Variants in DCAKD observed in about 807,000 individuals in gnomAD.
DCAKD encodes the protein dephospho-CoA kinase domain containing.
DCAKD carries 15 observed loss-of-function variants against 18.7 expected under a neutral mutation model. The observed-to-expected ratio is 0.80, with a 90% confidence interval of 0.54 to 1.24. The LOEUF is 1.24. Among genes scored for constraint, DCAKD ranks in the 50% most tolerant of loss-of-function variants. The pLI is 0.00. For synonymous variants in DCAKD, 130 were observed against 133.0 expected, an observed-to-expected ratio of 0.98 and a Z score of 0.16; for missense variants, 301 against 322.0, an observed-to-expected ratio of 0.93 and a Z score of 0.50.
At chr17:45,034,688 GAC>G in intron 2 of DCAKD, 84 bp downstream of exon 2, 2 of 1,412,298 alleles carry the variant, frequency 1.4e-6, no homozygotes, top group Non-Finnish European at 1.9e-6. Flanking sequence ...CCTCCTCTGA[GAC>G]TTATAAAAAA....
chr17:45,029,992 G>T, intron 4 of DCAKD, 100 bp downstream of exon 4: 4 of 1,086,370 alleles, frequency 3.7e-6, no homozygotes, highest in Non-Finnish European at 5.7e-6. Context: ...CATGCCTCTT[G>T]GCCGCCCCGT....
intron 1 of DCAKD, among the ~76,000 whole-genome samples, chr17:45,037,084 C>A (rs1245192134): frequency 1.3e-5 from 2 of 152,130 alleles, no homozygotes; most frequent in African/African-American, 4.8e-5. Flanking sequence ...CATTCTCACC[C>A]CGGAAAGCCA....
At chr17:45,057,713 A>C (rs937249684) in intron 1 of DCAKD, among the ~76,000 whole-genome samples, 4 of 150,538 alleles carry the variant, frequency 2.7e-5, no homozygotes, top group African/African-American at 9.8e-5. Context: ...AAAAAAAAAA[A>C]AAAAACAGTA....
chr17:45,047,375 T>C (rs2053592855), intron 1 of DCAKD, among the ~76,000 whole-genome samples: 2 of 152,054 alleles, frequency 1.3e-5, no homozygotes, highest in South Asian at 4.1e-4. Flanking sequence ...TCAACCCTCC[T>C]AGGCTCAGGT....
At chr17:45,056,895 G>A (rs989034266) in intron 1 of DCAKD, among the ~76,000 whole-genome samples, 1 of 152,070 alleles carries the variant, frequency 6.6e-6, no homozygotes, top group Non-Finnish European at 1.5e-5. Context: ...AGCCTACCAA[G>A]TAGCTGGGAC....
At chr17:45,032,092 C>T (rs1288266000) in intron 3 of DCAKD, 19 of 985,244 alleles carry the variant, frequency 1.9e-5, no homozygotes, top group African/African-American at 7.0e-5. Context: ...GAGCCACTGC[C>T]GCCTCGAAGC....
chr17:45,043,618 G>A (rs941517384), intron 1 of DCAKD, among the ~76,000 whole-genome samples: 1 of 152,166 alleles, frequency 6.6e-6, no homozygotes, highest in Non-Finnish European at 1.5e-5. Flanking sequence ...GACGGGAGGC[G>A]GCACGGACGC....
At chr17:45,030,983 C>T (rs1185143638) in intron 3 of DCAKD, 1 of 985,328 alleles carries the variant, frequency 1.0e-6, no homozygotes, top group Non-Finnish European at 1.2e-6. Context: ...GGGCTACACG[C>T]TCCTCGTTCT....
chr17:45,037,768 T>C (rs1251101210), intron 1 of DCAKD, among the ~76,000 whole-genome samples: 2 of 111,122 alleles, frequency 1.8e-5, no homozygotes, highest in Admixed American at 8.7e-5. Flanking sequence ...CTTCAAGAGC[T>C]TTTTTTTTTT....
chr17:45,057,656 T>C (rs2053797312), intron 1 of DCAKD, among the ~76,000 whole-genome samples: 1 of 145,960 alleles, frequency 6.9e-6, no homozygotes, highest in South Asian at 2.1e-4. Flanking sequence ...TGAGCCGAGA[T>C]AGTGCCACTG....
intron 4 of DCAKD, among the ~76,000 whole-genome samples, chr17:45,025,351 CCA>C (rs2053032387): frequency 6.6e-6 from 1 of 152,048 alleles, no homozygotes; most frequent in Non-Finnish European, 1.5e-5. Flanking sequence ...ACAGACAAGC[CCA>C]AGGTGCTTCA....
chr17:45,029,350 C>A (rs923697578), intron 4 of DCAKD, among the ~76,000 whole-genome samples: 1 of 152,254 alleles, frequency 6.6e-6, no homozygotes, highest in Non-Finnish European at 1.5e-5. Context: ...ATGCCTTAGG[C>A]CCTTGAGGGC....
chr17:45,041,500 C>T (rs1171715925), intron 1 of DCAKD, among the ~76,000 whole-genome samples: 2 of 152,048 alleles, frequency 1.3e-5, no homozygotes, highest in Middle Eastern at 3.4e-3. Context: ...TTAGTAGAGA[C>T]GGGGTTTCAC....
intron 1 of DCAKD, among the ~76,000 whole-genome samples, chr17:45,039,268 G>A (rs1015035541): frequency 2.6e-5 from 4 of 152,100 alleles, no homozygotes; most frequent in Admixed American, 6.6e-5. Context: ...ATGAACAAAC[G>A]ACCACCTTTG....
intron 1 of DCAKD, among the ~76,000 whole-genome samples, chr17:45,059,212 C>T (rs372043697): frequency 9.5e-4 from 145 of 152,128 alleles, no homozygotes; most frequent in African/African-American, 3.3e-3. Flanking sequence ...TGCAATCCAG[C>T]CTGGGCGACA....
chr17:45,061,056 A>C, exon 1 of DCAKD: 3 of 1,219,074 alleles, frequency 2.5e-6, no homozygotes, highest in Non-Finnish European at 3.1e-6. Context: ...CCCGGTTCCC[A>C]AGGGTCGGTC....
intron 1 of DCAKD, among the ~76,000 whole-genome samples, chr17:45,048,378 C>A (rs183788666): frequency 2.0e-5 from 3 of 152,098 alleles, no homozygotes; most frequent in Non-Finnish European, 2.9e-5. Context: ...CATGTTGGCT[C>A]ATGCCTGTAA....
chr17:45,037,767 CTTTTT>C (rs1379583192), intron 1 of DCAKD, among the ~76,000 whole-genome samples: 1 of 110,896 alleles, frequency 9.0e-6, no homozygotes, highest in African/African-American at 3.3e-5. Context: ...GCTTCAAGAG[CTTTTT>C]TTTTTTTTTT....
At chr17:45,050,206 A>G (rs2053661936) in intron 1 of DCAKD, among the ~76,000 whole-genome samples, 1 of 150,598 alleles carries the variant, frequency 6.6e-6, no homozygotes, top group Non-Finnish European at 1.5e-5. Flanking sequence ...ATGTCCGGCT[A>G]ATTTTTTTGC....
Sources: allele counts gnomAD v4.1 joint callset (sites outside exome capture counted in the v4.1 genomes callset), GRCh38; gene constraint gnomAD v4.1.1; transcripts MANE v1.5; gene names NCBI Gene and HGNC (gene_info 2026-07-23, HGNC 2026-07-21).